Variants in PHACTR1 observed in about 807,000 individuals in gnomAD.
The protein encoded by PHACTR1 is RPEL repeat containing 1.
Under a neutral mutation model 69.2 loss-of-function variants are expected in PHACTR1, and 16 were observed. The observed-to-expected ratio is 0.23, with a 90% CI of 0.16 to 0.35. The LOEUF (loss-of-function observed/expected upper bound fraction) is 0.35. Among genes scored for constraint, PHACTR1 ranks in the 10% least tolerant of loss-of-function variants. PHACTR1 has a pLI of 1.00. For missense variants in PHACTR1, 510 were observed against 734.7 expected (o/e 0.69, Z 3.54); for synonymous variants, 312 against 284.5 (o/e 1.10, Z -0.97).
At chr6:12,954,116 A>C (rs1459957376) in intron 4 of PHACTR1, among the ~76,000 whole-genome samples, 1 of 152,184 alleles carries the variant, frequency 6.6e-6, no homozygotes, top group Non-Finnish European at 1.5e-5. Flanking sequence ...ATTTCAAGGA[A>C]GAACATTCCA....
intron 4 of PHACTR1, among the ~76,000 whole-genome samples, chr6:12,829,322 T>C (rs1000371993): frequency 1.3e-5 from 2 of 152,192 alleles, no homozygotes; most frequent in Non-Finnish European, 2.9e-5. Flanking sequence ...AACAACTGTT[T>C]ACATGAAGTT....
intron 7 of PHACTR1, among the ~76,000 whole-genome samples, chr6:13,184,196 G>A (rs1306665016): frequency 1.3e-5 from 2 of 152,204 alleles, no homozygotes; most frequent in East Asian, 1.9e-4. Context: ...AGGAGCAGCC[G>A]TCCAGTGCCT....
At chr6:12,998,613 C>CAA (rs113893363) in intron 4 of PHACTR1, among the ~76,000 whole-genome samples, 1,572 of 116,428 alleles carry the variant, frequency 0.014, 19 homozygotes, top group African/African-American at 0.031. Context: ...AAGACCTGGT[C>CAA]AAAAAAAAAA....
chr6:13,041,339 TACACACACACAC>T (rs368368056), intron 4 of PHACTR1, among the ~76,000 whole-genome samples: 58 of 135,470 alleles, frequency 4.3e-4, no homozygotes, highest in African/African-American at 1.2e-3. Context: ...TTAAAATACA[TACACACACACAC>T]ACACACACAC....
intron 3 of PHACTR1, among the ~76,000 whole-genome samples, chr6:12,729,658 C>T (rs1485314623): frequency 1.3e-5 from 2 of 152,082 alleles, no homozygotes; most frequent in African/African-American, 4.8e-5. Context: ...ACTAAAGCAG[C>T]GAATACAGAG....
chr6:12,851,203 G>T (rs1175803210), intron 4 of PHACTR1, among the ~76,000 whole-genome samples: 2 of 152,170 alleles, frequency 1.3e-5, no homozygotes, highest in South Asian at 2.1e-4. Flanking sequence ...AACAAGAATT[G>T]TACCAGGGAA....
intron 5 of PHACTR1, among the ~76,000 whole-genome samples, chr6:13,114,232 G>T (rs1439545815): frequency 5.3e-5 from 8 of 152,134 alleles, no homozygotes; most frequent in African/African-American, 1.9e-4. Flanking sequence ...GATCAGAAAA[G>T]AATACAGTTA....
At chr6:13,115,546 A>G (rs766209468) in intron 5 of PHACTR1, among the ~76,000 whole-genome samples, 10 of 152,068 alleles carry the variant, frequency 6.6e-5, no homozygotes, top group Non-Finnish European at 1.2e-4. Flanking sequence ...GTTTGTATGC[A>G]GATAGTTTAT....
At chr6:12,885,450 T>C (rs1305992128) in intron 4 of PHACTR1, among the ~76,000 whole-genome samples, 1 of 152,186 alleles carries the variant, frequency 6.6e-6, no homozygotes, top group Non-Finnish European at 1.5e-5. Flanking sequence ...ATCTGGAAAA[T>C]TGGTTTTCTA....
At chr6:13,120,279 T>G (rs1818501170) in intron 5 of PHACTR1, among the ~76,000 whole-genome samples, 1 of 152,134 alleles carries the variant, frequency 6.6e-6, no homozygotes, top group African/African-American at 2.4e-5. Flanking sequence ...CCTCCTTTTT[T>G]TTTCCTGGAG....
intron 4 of PHACTR1, among the ~76,000 whole-genome samples, chr6:12,956,639 G>T (rs1280937524): frequency 6.6e-6 from 1 of 152,148 alleles, no homozygotes; most frequent in Non-Finnish European, 1.5e-5. Flanking sequence ...GCTGGAGAGG[G>T]TTTATGAGGA....
At chr6:13,106,557 C>A (rs1374296440) in intron 5 of PHACTR1, among the ~76,000 whole-genome samples, 1 of 152,176 alleles carries the variant, frequency 6.6e-6, no homozygotes, top group Non-Finnish European at 1.5e-5. Flanking sequence ...TAGCTCACTG[C>A]AGCCTTGACC....
At chr6:13,116,070 C>T (rs1817775348) in intron 5 of PHACTR1, among the ~76,000 whole-genome samples, 1 of 152,100 alleles carries the variant, frequency 6.6e-6, no homozygotes. Context: ...TTTTTTCTCC[C>T]AAAATTATAC....
At chr6:12,993,288 T>C (rs1797030400) in intron 4 of PHACTR1, among the ~76,000 whole-genome samples, 2 of 152,256 alleles carry the variant, frequency 1.3e-5, no homozygotes, top group African/African-American at 4.8e-5. Context: ...GTTTACTCTC[T>C]GCCAGGTTTT....
chr6:12,971,518 T>C (rs1005424826), intron 4 of PHACTR1, among the ~76,000 whole-genome samples: 1 of 152,166 alleles, frequency 6.6e-6, no homozygotes, highest in Non-Finnish European at 1.5e-5. Context: ...AGGACAAAAG[T>C]CTGCATATTG....
chr6:13,206,044 C>T lies in PHACTR1; in HGVS notation c.894C>T (p.Ser298=), dbSNP rs1180467337. 1.2e-6 allele frequency: 2 copies of T among 1,613,928 alleles called. No homozygotes were observed. The highest frequency in any genetic ancestry group is 1.7e-6 in the Non-Finnish European group (2 of 1,179,882). The change falls in exon 8 of 15, where the codon TCC becomes TCT. Residue 298 remains serine, a synonymous_variant. Coordinates refer to ENST00000332995, the MANE Select transcript of PHACTR1 (RefSeq NM_030948.6). ...QYGSHGQHLP[S]TTGSLPMHPS... is the part of the protein sequence containing the mutation. ...GCAGCCACGGCCAGCACCTCCCCTC[C>T]ACCACCGGCTCCCTCCCCATGCACC...
chr6:12,785,687 C>T (rs1285317605), intron 4 of PHACTR1, among the ~76,000 whole-genome samples: 1 of 152,112 alleles, frequency 6.6e-6, no homozygotes, highest in Non-Finnish European at 1.5e-5. Context: ...TTAAAGCAGG[C>T]CCGATCTCCC....
At chr6:12,723,221 T>C (rs1159079060) in intron 3 of PHACTR1, among the ~76,000 whole-genome samples, 1 of 152,106 alleles carries the variant, frequency 6.6e-6, no homozygotes, top group Non-Finnish European at 1.5e-5. Context: ...CATGGGTTTT[T>C]ATGATGAATA....
At chr6:12,951,028 T>C (rs1791228730) in intron 4 of PHACTR1, among the ~76,000 whole-genome samples, 1 of 152,194 alleles carries the variant, frequency 6.6e-6, no homozygotes, top group Non-Finnish European at 1.5e-5. Flanking sequence ...GGAAACTGCC[T>C]TTTTCTGTTG....
Sources: gnomAD v4.1 joint callset for allele counts (sites outside exome capture counted in the v4.1 genomes callset) on GRCh38, gnomAD v4.1.1 for gene constraint, MANE v1.5 for transcripts, NCBI Gene and HGNC (gene_info 2026-07-23, HGNC 2026-07-21) for gene names.